Variants in SCAMP4 observed in about 807,000 individuals in gnomAD.
SCAMP4 encodes the protein secretory carrier membrane protein 4.
SCAMP4 carries 19 observed loss-of-function variants against 32.1 expected under a neutral mutation model. The ratio of observed to expected loss-of-function variants is 0.59; its 90% CI spans 0.41 to 0.87. The LOEUF (loss-of-function observed/expected upper bound fraction) is 0.87, where lower values mean the gene tolerates loss of function less well. Ranked by LOEUF, SCAMP4 falls within the 40% of genes least tolerant of loss-of-function variation. The pLI is 0.00. For missense variants in SCAMP4, 302 were observed against 309.0 expected (o/e 0.98, Z 0.17); for synonymous variants, 152 against 132.7 (o/e 1.15, Z -1.00).
intron 1 of SCAMP4, chr19:1,912,410 G>T: frequency 6.6e-7 from 1 of 1,513,786 alleles, no homozygotes; most frequent in South Asian, 1.2e-5. Context: ...GCCCGCGCTC[G>T]CTGGCTGAGC....
intron 5 of SCAMP4, among the ~76,000 whole-genome samples, chr19:1,919,713 G>A (rs1198429667): frequency 6.6e-6 from 1 of 151,348 alleles, no homozygotes; most frequent in Non-Finnish European, 1.5e-5. Context: ...TGCCCAGGCT[G>A]GTATCGAACT....
At chr19:1,922,488 G>A (rs780227164) in intron 5 of SCAMP4, 631 of 950,170 alleles carry the variant, frequency 6.6e-4, no homozygotes, top group Non-Finnish European at 7.5e-4. Context: ...GCCCGCCTCG[G>A]CCTCCCAAAG....
chr19:1,921,494 C>A, intron 5 of SCAMP4: 1 of 985,434 alleles, frequency 1.0e-6, no homozygotes, highest in Non-Finnish European at 1.2e-6. Flanking sequence ...TCAGCGGGCG[C>A]CGCAGCCTCT....
chr19:1,912,306 G>T (rs1385656959), intron 1 of SCAMP4: 2 of 1,559,518 alleles, frequency 1.3e-6, no homozygotes, highest in Non-Finnish European at 1.7e-6. Flanking sequence ...CCCGCTCCCC[G>T]CCCAGCCTCA....
At chr19:1,919,899 TC>T (rs2013866052) in intron 5 of SCAMP4, among the ~76,000 whole-genome samples, 1 of 149,956 alleles carries the variant, frequency 6.7e-6, no homozygotes, top group African/African-American at 2.5e-5. Flanking sequence ...AACCTTCACC[TC>T]CCAGGTTCAA....
At position 1,924,527 on chromosome 19, in the gene SCAMP4, C is replaced by T. The variant is rs540131431; in HGVS notation, c.*243C>T. 3.7e-5 allele frequency: 20 copies of T among 541,866 alleles called. No homozygotes were observed. Among genetic ancestry groups the T allele is most frequent in the Non-Finnish European group, 6.4e-5 (19 of 297,812 alleles). The allele number at this position is 541,866 out of a possible 1,614,324, so 33.6% of individuals were successfully genotyped here. A position where few individuals can be genotyped will look rare whatever the true frequency, so the allele number is the denominator to read the frequency against. ...CTTGGCCTCTGCCGTCCACAGGACGCCCTCTTGCTCCCGGAAACGTGTGGT... is the reference window on the plus strand; with the variant it reads ...CTTGGCCTCTGCCGTCCACAGGACGTCCTCTTGCTCCCGGAAACGTGTGGT... On this transcript the variant is annotated 3_prime_UTR_variant, in exon 7 of 7. Coordinates refer to ENST00000316097, the MANE Select transcript of SCAMP4 (RefSeq NM_079834.4).
intron 6 of SCAMP4, 67 bp downstream of exon 6, chr19:1,923,254 C>A: frequency 2.9e-6 from 4 of 1,363,992 alleles, no homozygotes; most frequent in Non-Finnish European, 3.0e-6. Context: ...CCCAACTGTC[C>A]CAGGTGGGTG....
At chr19:1,921,992 T>G in intron 5 of SCAMP4, 9 of 985,420 alleles carry the variant, frequency 9.1e-6, no homozygotes, top group South Asian at 4.7e-5. Flanking sequence ...CCCGGACACA[T>G]CCGGGGGTGT....
intron 5 of SCAMP4, chr19:1,922,843 A>C (rs540690784): frequency 1.6e-6 from 2 of 1,259,926 alleles, no homozygotes; most frequent in East Asian, 7.0e-5. Flanking sequence ...TCCACTGCAC[A>C]CGCGGCTCAC....
rs1449558816 is a variant in SCAMP4, at chr19:1,913,156, C to T, written c.-41-1823C>T. The T allele has an allele frequency of 4.6e-6, 7 of 1,530,974 alleles. No individual in the cohort carries two copies. In the African/African-American group the frequency reaches 5.5e-5, roughly 12 times the overall value. The allele number at this position is 1,530,974 out of a possible 1,614,324, so 94.8% of individuals were successfully genotyped here. ...TGGCTGGACCCCGACACGTAGGCGC[C>T]GCCCTCCTGCCTCCGGACCCTTCCC... On this transcript the variant is annotated intron_variant, in intron 1 of 6. Transcript: ENST00000316097.
chr19:1,917,572 A>G, intron 2 of SCAMP4, 122 bp from the exon 3 acceptor site: 1 of 1,082,014 alleles, frequency 9.2e-7, no homozygotes, highest in Non-Finnish European at 1.3e-6. Context: ...TCCTGCCCTC[A>G]ATCCCAACTG....
rs964583537 is a variant in SCAMP4 at position 1,922,524 on chromosome 19, T to G, written c.396-546T>G. ...TGCTGGGACGACAGGCGTAAGCCTCTGCGCCCGGCCTCCTCATTGTTTCTA... is the reference window on the plus strand; with the variant it reads ...TGCTGGGACGACAGGCGTAAGCCTCGGCGCCCGGCCTCCTCATTGTTTCTA... On this transcript the variant is annotated intron_variant, in intron 5 of 6. Transcript: ENST00000316097. 4 of 985,216 alleles carry G rather than the reference T, an allele frequency of 4.1e-6. No homozygotes were observed. The African/African-American group carries it at 7.0e-5, about 17-fold the overall frequency. The allele number at this position is 985,216 out of a possible 1,614,324, so 61.0% of individuals were successfully genotyped here.
chr19:1,906,526 G>A lies in SCAMP4; in HGVS notation c.-42+1087G>A, dbSNP rs186118168. 852 of 152,212 alleles carry A rather than the reference G, an allele frequency of 5.6e-3. 11 individuals are homozygous for A. Among genetic ancestry groups the A allele is most frequent in the African/African-American group, 0.02 (817 of 41,486 alleles). 9.4% of individuals were successfully genotyped at this position (152,212 alleles called of 1,614,324 possible). The stretch of plus-strand genomic sequence containing the variant: ...TGCATTCCAGCCTGGGCAACAGAGC[G>A]AGACCCTGTCTCTAAATAAATAAAT... On this transcript the variant is annotated intron_variant, in intron 1 of 6. Transcript: ENST00000316097.
Position 1,924,094 on chromosome 19 carries a change from C to T in SCAMP4, c.514-14C>T, listed in dbSNP as rs1308986196. 1 of 1,600,596 alleles carries T rather than the reference C, an allele frequency of 6.2e-7. No homozygotes were observed. The highest frequency in any genetic ancestry group is 1.1e-5 in the South Asian group (1 of 88,898). On this transcript the variant is annotated splice_polypyrimidine_tract_variant and intron_variant, in intron 6 of 6. Transcript: ENST00000316097. ...ATTTTCTGTCTTCTGCCTCCCTGTC[C>T]TCTGTCCTTGCAGGTGCACAGGATC...
intron 5 of SCAMP4, among the ~76,000 whole-genome samples, chr19:1,919,923 C>T (rs753344051): frequency 2.0e-5 from 3 of 151,954 alleles, no homozygotes; most frequent in Non-Finnish European, 2.9e-5. Context: ...GATTCTCCTG[C>T]CTCAGCCTCC....
In SCAMP4 at chr19:1,924,526, GC is replaced by G; in HGVS notation, c.*245del. Reference sequence around the variant, plus strand: ...CCTTGGCCTCTGCCGTCCACAGGACGCCCTCTTGCTCCCGGAAACGTGTGGT... The same window carrying G: ...CCTTGGCCTCTGCCGTCCACAGGACGCCTCTTGCTCCCGGAAACGTGTGGT... On this transcript the variant is annotated 3_prime_UTR_variant, in exon 7 of 7. Coordinates refer to ENST00000316097, the MANE Select transcript of SCAMP4 (RefSeq NM_079834.4). 1 of 546,518 alleles carries G rather than the reference GC, an allele frequency of 1.8e-6. No homozygotes were observed. Among genetic ancestry groups the G allele is most frequent in the Non-Finnish European group, 3.3e-6 (1 of 300,866 alleles). 33.9% of individuals were successfully genotyped at this position (546,518 alleles called of 1,614,324 possible).
At chr19:1,911,313 C>G (rs552486675) in intron 1 of SCAMP4, among the ~76,000 whole-genome samples, 1 of 151,034 alleles carries the variant, frequency 6.6e-6, no homozygotes, top group African/African-American at 2.4e-5. Flanking sequence ...CTGAAACCAC[C>G]GGTGTGTGCC....
At chr19:1,919,171 C>T (rs2013837404) in intron 5 of SCAMP4, 181 bp downstream of exon 5, 5 of 1,431,228 alleles carry the variant, frequency 3.5e-6, no homozygotes, top group Non-Finnish European at 3.7e-6. Flanking sequence ...GCGTCCTCGC[C>T]AGCACCCAGC....
rs941127765 is a variant in SCAMP4 at position 1,908,511 on chromosome 19, G to A, written c.-42+3072G>A. 1 of 471,008 alleles carries A rather than the reference G, an allele frequency of 2.1e-6. No homozygotes were observed. Among genetic ancestry groups the A allele is most frequent in the African/African-American group, 2.0e-5 (1 of 50,082 alleles). 29.2% of individuals were successfully genotyped at this position (471,008 alleles called of 1,614,324 possible). ...GCGGGAGGAGCCGTCCATACCAGCG[G>A]GGATGTGTAGTCCAGGCTGGCAGTT... is the stretch of plus-strand genomic sequence containing the variant. On this transcript the variant is annotated intron_variant, in intron 1 of 6. Transcript: ENST00000316097. The surrounding 1 kb of genome is among the most constrained non-coding windows in gnomAD (Gnocchi z 4.2).
Sources: gnomAD v4.1 joint callset for allele counts (sites outside exome capture counted in the v4.1 genomes callset) on GRCh38, gnomAD v4.1.1 for gene constraint, Gnocchi (gnomAD v3.1) non-coding constraint, MANE v1.5 for transcripts, NCBI Gene and HGNC (gene_info 2026-07-23, HGNC 2026-07-21) for gene names.